CHST15: variants seen among roughly 807,000 people sequenced by gnomAD.
CHST15 encodes the protein B cell RAG associated protein (GALNAC4S-6ST).
A neutral mutation model predicts 53.6 loss-of-function variants in CHST15; 30 were observed. The observed-to-expected ratio is 0.56, with a 90% CI of 0.42 to 0.76. The LOEUF is 0.76. Among genes scored for constraint, CHST15 ranks in the 30% least tolerant of loss-of-function variants. CHST15 has a pLI of 0.00. For missense variants in CHST15, 627 were observed against 740.5 expected (o/e 0.85, Z 1.78); for synonymous variants, 296 against 289.8 (o/e 1.02, Z -0.22).
chr10:124,011,635 C>T (rs997149844), intron 7 of CHST15: 5 of 985,324 alleles, frequency 5.1e-6, no homozygotes, highest in Non-Finnish European at 6.0e-6. Flanking sequence ...CTCGCTCCGC[C>T]AGCACATGCC....
chr10:124,071,423 C>G (rs895884950), intron 1 of CHST15, among the ~76,000 whole-genome samples: 15 of 152,218 alleles, frequency 9.9e-5, no homozygotes, highest in African/African-American at 3.4e-4. Flanking sequence ...TCCTCTCCTC[C>G]AACTCCCTAG....
chr10:124,088,466 T>C (rs1231305824), intron 1 of CHST15, among the ~76,000 whole-genome samples: 2 of 152,220 alleles, frequency 1.3e-5, no homozygotes, highest in Non-Finnish European at 2.9e-5. Context: ...TCAGCGAAGA[T>C]GAGAAACTGC....
chr10:124,016,022 C>T (rs1041475395), intron 6 of CHST15, among the ~76,000 whole-genome samples: 12 of 152,158 alleles, frequency 7.9e-5, no homozygotes, highest in Admixed American at 7.9e-4. Flanking sequence ...TTCAGGAGGT[C>T]TGGGACTGGC....
chr10:124,067,440 C>G (rs1165534746), intron 1 of CHST15, among the ~76,000 whole-genome samples: 1 of 152,204 alleles, frequency 6.6e-6, no homozygotes, highest in African/African-American at 2.4e-5. Context: ...CTGTCGGAAC[C>G]TCTCATCTCC....
intron 6 of CHST15, among the ~76,000 whole-genome samples, chr10:124,014,799 AGCACCTGGCTGG>A (rs1193686965): frequency 6.6e-6 from 1 of 152,172 alleles, no homozygotes; most frequent in African/African-American, 2.4e-5. Flanking sequence ...AGTCTGTCCG[AGCACCTGGCTGG>A]GCACCTGCAC....
At chr10:124,042,486 T>G (rs373887543) in intron 3 of CHST15, 39 bp from the exon 4 acceptor site, 4 of 1,605,048 alleles carry the variant, frequency 2.5e-6, no homozygotes, top group Non-Finnish European at 3.4e-6. Flanking sequence ...GAGGACAAAG[T>G]TGCTACTGCT....
intron 1 of CHST15, among the ~76,000 whole-genome samples, chr10:124,054,465 A>C (rs1224789809): frequency 6.6e-6 from 1 of 152,228 alleles, no homozygotes; most frequent in Non-Finnish European, 1.5e-5. Flanking sequence ...CCATATCCAT[A>C]ATAAACAGGC....
chr10:124,052,001 G>C (rs1450355429), intron 1 of CHST15, among the ~76,000 whole-genome samples: 2 of 152,074 alleles, frequency 1.3e-5, no homozygotes, highest in Non-Finnish European at 2.9e-5. Context: ...GCTTCATTTA[G>C]GTAGAACATT....
Position 124,009,023 on chromosome 10 carries a change from G to A in CHST15, c.*1126C>T, listed in dbSNP as rs952838332. 1 of 1,289,056 alleles carries A rather than the reference G, an allele frequency of 7.8e-7. No homozygotes were observed. The highest frequency in any genetic ancestry group is 1.0e-6 in the Non-Finnish European group (1 of 988,696). The allele number at this position is 1,289,056 out of a possible 1,614,324, so 79.9% of individuals were successfully genotyped here. A position where few individuals can be genotyped will look rare whatever the true frequency, so the allele number is the denominator to read the frequency against. ...AGTTCAGCTTGTGCATTGTGTTTTG[G>A]AATTGGGACACGAGTATCTATAGTC... On this transcript the variant is annotated 3_prime_UTR_variant, in exon 8 of 8. Transcript: ENST00000435907.
At chr10:124,038,397 T>C (rs1321876492) in intron 5 of CHST15, 118 bp downstream of exon 5, 32 of 1,202,938 alleles carry the variant, frequency 2.7e-5, no homozygotes, top group Admixed American at 6.0e-5. Flanking sequence ...TGAGCCACTG[T>C]ACCCGACCTG....
At chr10:124,059,692 C>G (rs982325036) in intron 1 of CHST15, among the ~76,000 whole-genome samples, 7 of 152,124 alleles carry the variant, frequency 4.6e-5, no homozygotes, top group African/African-American at 1.7e-4. Context: ...ACGATGCACC[C>G]TAGAATGAAT....
intron 6 of CHST15, chr10:124,020,666 A>T: frequency 1.0e-6 from 1 of 994,248 alleles, no homozygotes; most frequent in Non-Finnish European, 1.2e-6. Context: ...TGAAGTACAC[A>T]GCCAGCCCAG....
At chr10:124,078,974 A>T (rs1444996600) in intron 1 of CHST15, among the ~76,000 whole-genome samples, 1 of 152,200 alleles carries the variant, frequency 6.6e-6, no homozygotes, top group Non-Finnish European at 1.5e-5. Flanking sequence ...TAAAAGTATG[A>T]GGCAGCATAT....
At chr10:124,029,453 C>T (rs1947135477) in intron 5 of CHST15, among the ~76,000 whole-genome samples, 1 of 152,218 alleles carries the variant, frequency 6.6e-6, no homozygotes, top group Admixed American at 6.5e-5. Flanking sequence ...CTACCAGGCC[C>T]TAGGTTCCTT....
rs2134174040 is a variant in CHST15, at chr10:124,074,097, CT to C, written c.-513+19371del. The stretch of plus-strand genomic sequence containing the variant: ...TTAGCCTCTTTCCATAGAAGACTTT[CT>C]CAGGACAGAAGTGGGTGTGATTAGC... On this transcript the variant is annotated intron_variant, in intron 1 of 7. Transcript: ENST00000435907. This position sits in a 1 kb window ranked among gnomAD's most constrained non-coding sequence, Gnocchi z 4.4. 6.6e-6 allele frequency among the ~76,000 whole-genome samples: 1 copy of C among 152,302 alleles called. No homozygotes were observed. The highest frequency in any genetic ancestry group is 2.4e-5 in the African/African-American group (1 of 41,578).
At chr10:124,017,718 A>G (rs1337249089) in intron 6 of CHST15, among the ~76,000 whole-genome samples, 3 of 152,138 alleles carry the variant, frequency 2.0e-5, no homozygotes, top group Non-Finnish European at 4.4e-5. Flanking sequence ...TGGGTCCTAG[A>G]TCCTCTGCTT....
rs1005016598 is a variant in CHST15, at chr10:124,046,537, G to A, written c.-325C>T. ...GGTTTTTCCCATGGCACAAAAAAAG[G>A]TGGAAGAATTCTCACTGGGGAATGT... On this transcript the variant is annotated 5_prime_UTR_variant, in exon 2 of 8. Transcript: ENST00000435907. 1.2e-4 allele frequency: 31 copies of A among 249,442 alleles called. No homozygotes were observed. Among genetic ancestry groups the A allele is most frequent in the Non-Finnish European group, 2.1e-4 (28 of 131,930 alleles). The allele number at this position is 249,442 out of a possible 1,614,324, so 15.5% of individuals were successfully genotyped here.
At chr10:124,077,185 A>G (rs1949103173) in intron 1 of CHST15, among the ~76,000 whole-genome samples, 1 of 152,178 alleles carries the variant, frequency 6.6e-6, no homozygotes, top group Admixed American at 6.5e-5. Flanking sequence ...ATACTTAGAG[A>G]ACGGCATTCC....
chr10:124,078,631 CCT>C (rs1402465808), intron 1 of CHST15, among the ~76,000 whole-genome samples: 2 of 152,216 alleles, frequency 1.3e-5, no homozygotes, highest in East Asian at 3.8e-4. Context: ...TGAAATTCAT[CCT>C]CCAGTATTTG....
Sources: allele counts gnomAD v4.1 joint callset (sites outside exome capture counted in the v4.1 genomes callset), GRCh38; gene constraint gnomAD v4.1.1; non-coding constraint Gnocchi (gnomAD v3.1); transcripts MANE v1.5; gene names NCBI Gene and HGNC (gene_info 2026-07-23, HGNC 2026-07-21).